The following SAMMSON variants were observed in gnomAD, a reference collection of about 807,000 sequenced individuals.
SAMMSON encodes long intergenic non-protein coding RNA 1212.
intron 4 of SAMMSON, among the ~76,000 whole-genome samples, chr3:70,184,762 G>A (rs536046658): frequency 6.6e-6 from 1 of 152,188 alleles, no homozygotes; most frequent in South Asian, 2.1e-4. Context: ...ATGAGGTCAT[G>A]TCACCTTTCT....
chr3:70,376,902 A>G (rs936158535), intron 9 of SAMMSON, among the ~76,000 whole-genome samples: 7 of 152,148 alleles, frequency 4.6e-5, no homozygotes, highest in African/African-American at 1.7e-4. Context: ...GTTTAATATT[A>G]AATATTTTTG....
chr3:70,398,230 T>C (rs1469001231), intron 2 of SAMMSON, among the ~76,000 whole-genome samples: 1 of 152,186 alleles, frequency 6.6e-6, no homozygotes, highest in Non-Finnish European at 1.5e-5. Context: ...AACAGCAATA[T>C]TTACTCATAT....
chr3:70,306,566 C>T (rs562475988), intron 7 of SAMMSON, among the ~76,000 whole-genome samples: 1 of 152,176 alleles, frequency 6.6e-6, no homozygotes, highest in East Asian at 1.9e-4. Context: ...TGTTTATTGC[C>T]CATTCCCCAC....
At chr3:70,020,143 G>A (rs921009104) in intron 3 of SAMMSON, among the ~76,000 whole-genome samples, 1 of 152,106 alleles carries the variant, frequency 6.6e-6, no homozygotes, top group African/African-American at 2.4e-5. Context: ...AGCACCAGTT[G>A]CAATTATGTG....
chr3:70,055,606 C>G (rs2067164081), intron 3 of SAMMSON, among the ~76,000 whole-genome samples: 2 of 152,068 alleles, frequency 1.3e-5, no homozygotes. Context: ...TAAAAGTTCT[C>G]AAATTTATCG....
At chr3:70,121,371 C>A (rs549599335) in intron 4 of SAMMSON, among the ~76,000 whole-genome samples, 5 of 152,172 alleles carry the variant, frequency 3.3e-5, no homozygotes, top group African/African-American at 1.2e-4. Context: ...TAGCATAAGC[C>A]CTGAGTAGGA....
At chr3:70,297,994 A>T (rs1702306066) in intron 7 of SAMMSON, among the ~76,000 whole-genome samples, 1 of 152,100 alleles carries the variant, frequency 6.6e-6, no homozygotes, top group Non-Finnish European at 1.5e-5. Flanking sequence ...AGAAATTTTT[A>T]AAAATTCTAA....
intron 6 of SAMMSON, among the ~76,000 whole-genome samples, chr3:70,284,867 C>G (rs952231725): frequency 6.6e-6 from 1 of 152,052 alleles, no homozygotes; most frequent in Non-Finnish European, 1.5e-5. Flanking sequence ...ACCTATGTAA[C>G]AAACCTGCAC....
At chr3:70,240,161 T>G (rs1038463266) in intron 4 of SAMMSON, among the ~76,000 whole-genome samples, 14 of 152,090 alleles carry the variant, frequency 9.2e-5, no homozygotes, top group Non-Finnish European at 1.9e-4. Flanking sequence ...TATTTTAAAG[T>G]GTAAAATGGC....
At chr3:70,391,245 T>C (rs1326056950), downstream of SAMMSON, among the ~76,000 whole-genome samples, 1 of 152,180 alleles carries the variant, frequency 6.6e-6, no homozygotes, top group African/African-American at 2.4e-5. Context: ...AAAATGTAGA[T>C]GTGAAGTGTA....
intron 8 of SAMMSON, among the ~76,000 whole-genome samples, chr3:70,357,597 G>C (rs1175097549): frequency 6.6e-6 from 1 of 152,048 alleles, no homozygotes. Context: ...GGGCTGGGAG[G>C]CTAGGGGAGG....
At chr3:70,222,782 G>T (rs1159890981) in intron 4 of SAMMSON, among the ~76,000 whole-genome samples, 1 of 152,104 alleles carries the variant, frequency 6.6e-6, no homozygotes, top group Non-Finnish European at 1.5e-5. Flanking sequence ...AATAATTGTG[G>T]TAGACTGGAA....
intron 7 of SAMMSON, among the ~76,000 whole-genome samples, chr3:70,298,397 G>T (rs1188836236): frequency 6.6e-6 from 1 of 152,052 alleles, no homozygotes; most frequent in Non-Finnish European, 1.5e-5. Flanking sequence ...TCAACGGGAA[G>T]ATATTAAAAT....
intron 2 of SAMMSON, among the ~76,000 whole-genome samples, chr3:70,422,099 T>A (rs1156233852): frequency 2.0e-5 from 3 of 148,800 alleles, no homozygotes; most frequent in Non-Finnish European, 4.5e-5. Context: ...AGATGAGGTA[T>A]GATGTTCAAC....
At chr3:70,335,590 T>C (rs1702654342) in intron 7 of SAMMSON, among the ~76,000 whole-genome samples, 1 of 151,964 alleles carries the variant, frequency 6.6e-6, no homozygotes, top group Non-Finnish European at 1.5e-5. Flanking sequence ...CACTGTGGGA[T>C]TGTCCTGCTA....
chr3:70,052,949 T>C (rs186212310), intron 3 of SAMMSON, among the ~76,000 whole-genome samples: 1 of 152,288 alleles, frequency 6.6e-6, no homozygotes, highest in African/African-American at 2.4e-5. Context: ...CTTGTTCTAC[T>C]TTATACATCT....
chr3:70,040,996 G>C (rs766976354), intron 3 of SAMMSON, among the ~76,000 whole-genome samples: 1 of 152,084 alleles, frequency 6.6e-6, no homozygotes, highest in Non-Finnish European at 1.5e-5. Context: ...AACTCTCAGC[G>C]AGCTCCTTTG....
At chr3:70,080,601 C>CAA (rs1170285512) in intron 4 of SAMMSON, among the ~76,000 whole-genome samples, 1 of 152,054 alleles carries the variant, frequency 6.6e-6, no homozygotes, top group Non-Finnish European at 1.5e-5. Flanking sequence ...CTCCTCCCTC[C>CAA]AAAACCCTAT....
intron 2 of SAMMSON, among the ~76,000 whole-genome samples, chr3:70,413,970 T>G (rs566930273): frequency 8.5e-5 from 13 of 152,232 alleles, no homozygotes; most frequent in African/African-American, 3.1e-4. Context: ...AAAACTGTTC[T>G]GAAGCATATC....
Sources: gnomAD v4.1 joint callset for allele counts (sites outside exome capture counted in the v4.1 genomes callset) on GRCh38, gnomAD v4.1.1 for gene constraint, MANE v1.5 for transcripts, NCBI Gene and HGNC (gene_info 2026-07-23, HGNC 2026-07-21) for gene names.